LIFR: variants seen among roughly 807,000 people sequenced by gnomAD.
LIFR encodes LIF receptor subunit alpha, also known as leukemia inhibitory factor receptor.
Under a neutral mutation model 122.2 loss-of-function variants are expected in LIFR, and 84 were observed. The ratio of observed to expected loss-of-function variants is 0.69; its 90% CI spans 0.58 to 0.82. The LOEUF (loss-of-function observed/expected upper bound fraction) is 0.82. LIFR is among the 40% of genes least tolerant of loss of function. The pLI is 0.00. For synonymous variants in LIFR, 422 were observed against 434.7 expected, an observed-to-expected ratio of 0.97 and a Z score of 0.36; for missense variants, 1,294 against 1,311.6, an observed-to-expected ratio of 0.99 and a Z score of 0.21.
upstream of LIFR, chr5:38,556,699 C>G (rs1403907888): frequency 5.5e-5 from 8 of 145,330 alleles, no homozygotes; most frequent in African/African-American, 1.7e-4. Context: ...CGCAGCGGGC[C>G]CGGCCCCGCC....
chr5:38,564,413 T>C (rs1187543549), intron 1 of LIFR, among the ~76,000 whole-genome samples: 1 of 47,224 alleles, frequency 2.1e-5, no homozygotes, highest in Non-Finnish European at 3.9e-5. Flanking sequence ...AGACAGGGTC[T>C]CATTATGTTG....
intron 14 of LIFR, among the ~76,000 whole-genome samples, chr5:38,491,697 C>T (rs1744602395): frequency 6.6e-6 from 1 of 152,192 alleles, no homozygotes; most frequent in African/African-American, 2.4e-5. Flanking sequence ...ATCATACAAC[C>T]CAAGAAAAAC....
upstream of LIFR, among the ~76,000 whole-genome samples, chr5:38,597,516 AG>A (rs536272938): frequency 9.2e-4 from 140 of 152,294 alleles, 1 homozygote; most frequent in African/African-American, 3.2e-3. Flanking sequence ...AAAGCACCAA[AG>A]TAGTGGGCCT....
At chr5:38,487,771 A>G (rs1404413118) in intron 16 of LIFR, among the ~76,000 whole-genome samples, 3 of 152,176 alleles carry the variant, frequency 2.0e-5, no homozygotes, top group Non-Finnish European at 2.9e-5. Context: ...ATCTGCTTGT[A>G]GTTAGGCCCT....
intron 16 of LIFR, among the ~76,000 whole-genome samples, chr5:38,486,447 G>A (rs941239794): frequency 1.3e-5 from 2 of 152,210 alleles, no homozygotes; most frequent in African/African-American, 4.8e-5. Context: ...AAGGATCAGT[G>A]TGATGGGGAC....
At chr5:38,542,240 C>A (rs1379453431) in intron 1 of LIFR, among the ~76,000 whole-genome samples, 1 of 152,172 alleles carries the variant, frequency 6.6e-6, no homozygotes, top group Admixed American at 6.5e-5. Context: ...TGTGGGGACA[C>A]TTGAACGTTT....
exon 2 of LIFR, chr5:38,606,229 AAC>A (rs1750325778): frequency 6.6e-6 from 1 of 152,230 alleles, no homozygotes; most frequent in Non-Finnish European, 1.5e-5. Context: ...CTGTACAGAA[AAC>A]AGTGTCAGCA....
At chr5:38,587,612 A>ATGG (rs1230978464) in intron 1 of LIFR, among the ~76,000 whole-genome samples, 2 of 152,174 alleles carry the variant, frequency 1.3e-5, no homozygotes, top group Admixed American at 6.5e-5. Context: ...GCTATTAAAG[A>ATGG]TGGTGGTGGT....
chr5:38,596,025 C>G (rs2071234), upstream of LIFR, among the ~76,000 whole-genome samples: 1 of 152,142 alleles, frequency 6.6e-6, no homozygotes, highest in African/African-American at 2.4e-5. Context: ...CGTGAGCCAC[C>G]GCGCCCGGCC....
At chr5:38,576,864 G>T (rs969566708) in intron 1 of LIFR, among the ~76,000 whole-genome samples, 1 of 152,218 alleles carries the variant, frequency 6.6e-6, no homozygotes, top group Non-Finnish European at 1.5e-5. Flanking sequence ...GCACAGAGTT[G>T]TGAAAATTAG....
In LIFR at chr5:38,482,217, C is replaced by T. The variant is rs1744033128; in HGVS notation, c.2672G>A (p.Gly891Glu). ...TTCCAATGTTTTAAGAGCACTGCTT[C>T]CCTAGAAATAAATTTAAACACAGTG... ...ALQFQKSVCEGSSALKTLEMN... is the reference protein window; with the variant it reads ...ALQFQKSVCEESSALKTLEMN... Residue 891 changes from glycine to glutamate, a missense_variant and splice_region_variant, in exon 20 of 20, where the codon GGA (glycine) becomes GAA (glutamate). Coordinates refer to ENST00000453190, the MANE Select transcript of LIFR (RefSeq NM_001127671.2). 1 of 1,604,014 alleles carries T rather than the reference C, an allele frequency of 6.2e-7. No individual in the cohort carries two copies. The highest frequency in any genetic ancestry group is 8.5e-7 in the Non-Finnish European group (1 of 1,177,474).
chr5:38,486,575 G>A (rs894334509), intron 16 of LIFR, among the ~76,000 whole-genome samples: 7 of 152,092 alleles, frequency 4.6e-5, no homozygotes, highest in African/African-American at 1.4e-4. Flanking sequence ...AGGATAACAG[G>A]TTAAAAAATT....
At chr5:38,528,094 T>G (rs1427802923) in intron 3 of LIFR, among the ~76,000 whole-genome samples, 1 of 152,120 alleles carries the variant, frequency 6.6e-6, no homozygotes, top group Non-Finnish European at 1.5e-5. Flanking sequence ...ATTCTCCAAA[T>G]CACGCCATCT....
chr5:38,552,061 C>T (rs1332985379), intron 1 of LIFR, among the ~76,000 whole-genome samples: 1 of 152,170 alleles, frequency 6.6e-6, no homozygotes, highest in Non-Finnish European at 1.5e-5. Flanking sequence ...AGGACACAGG[C>T]TTCTTTACTG....
chr5:38,604,215 C>T (rs193275084), intron 2 of LIFR, among the ~76,000 whole-genome samples: 189 of 152,254 alleles, frequency 1.2e-3, no homozygotes, highest in Admixed American at 4.3e-3. Flanking sequence ...AACTTTTCTT[C>T]GCTGCCTCTA....
At chr5:38,564,617 C>T (rs1748945553) in intron 1 of LIFR, among the ~76,000 whole-genome samples, 1 of 152,032 alleles carries the variant, frequency 6.6e-6, no homozygotes. Context: ...CAGCCGGGAG[C>T]ATCCCTAGAC....
chr5:38,530,711 AGGCT>A, intron 1 of LIFR, 45 bp from the exon 2 acceptor site: 3 of 1,511,614 alleles, frequency 2.0e-6, no homozygotes, highest in Non-Finnish European at 1.8e-6. Flanking sequence ...ATTGTTCTGA[AGGCT>A]CACCTTATAC....
At chr5:38,526,110 C>A (rs1389930831) in intron 4 of LIFR, among the ~76,000 whole-genome samples, 2 of 152,328 alleles carry the variant, frequency 1.3e-5, no homozygotes, top group East Asian at 1.9e-4. Flanking sequence ...TAACTGCCAT[C>A]TGCATTTCTT....
chr5:38,513,859 A>G (rs12516771), intron 5 of LIFR, among the ~76,000 whole-genome samples: 45,550 of 152,050 alleles, frequency 0.3, 7,120 homozygotes, highest in East Asian at 0.42. Flanking sequence ...AGCAACCAGG[A>G]TGACCAGAAA....
Sources: gnomAD v4.1 joint callset for allele counts (sites outside exome capture counted in the v4.1 genomes callset) on GRCh38, gnomAD v4.1.1 for gene constraint, MANE v1.5 for transcripts, NCBI Gene and HGNC (gene_info 2026-07-23, HGNC 2026-07-21) for gene names.